PDZK1: variants seen among roughly 807,000 people sequenced by gnomAD.
The protein encoded by PDZK1 is PDZ domain containing 1.
A neutral mutation model predicts 38.1 loss-of-function variants in PDZK1; 23 were observed. That is an observed-to-expected ratio of 0.60 (90% confidence interval 0.43 to 0.85). The LOEUF is 0.85. Ranked by LOEUF, PDZK1 falls within the 40% of genes least tolerant of loss-of-function variation. PDZK1 has a pLI of 0.00. For missense variants in PDZK1, 297 were observed against 504.3 expected, an observed-to-expected ratio of 0.59 and a Z score of 3.94; for synonymous variants, 98 against 186.2, an observed-to-expected ratio of 0.53 and a Z score of 3.86.
chr1:145,690,878 T>A (rs1655189458), intron 1 of PDZK1, among the ~76,000 whole-genome samples: 1 of 152,218 alleles, frequency 6.6e-6, no homozygotes, highest in Non-Finnish European at 1.5e-5. Flanking sequence ...TCAAGTTGAC[T>A]TTTTTGTTTG....
At chr1:145,687,090 G>A (rs1654841932) in intron 2 of PDZK1, among the ~76,000 whole-genome samples, 1 of 152,114 alleles carries the variant, frequency 6.6e-6, no homozygotes, top group Admixed American at 6.5e-5. Flanking sequence ...GGCAGAATAA[G>A]GTAAGGCCAG....
At chr1:145,684,799 AC>A (rs1553701300) in intron 3 of PDZK1, among the ~76,000 whole-genome samples, 2 of 141,180 alleles carry the variant, frequency 1.4e-5, no homozygotes, top group African/African-American at 5.3e-5. Flanking sequence ...CTTCATCCCC[AC>A]CCTACCCCAC....
chr1:145,675,255 A>C (rs1196999779), intron 6 of PDZK1, among the ~76,000 whole-genome samples: 4 of 147,144 alleles, frequency 2.7e-5, no homozygotes, highest in Non-Finnish European at 5.9e-5. Flanking sequence ...TAGTTGAGAC[A>C]ATTAGAAGGG....
At chr1:145,674,405 A>G (rs1653428983) in intron 6 of PDZK1, 1 of 460,522 alleles carries the variant, frequency 2.2e-6, no homozygotes, top group African/African-American at 2.1e-5. Context: ...GGATTAAGGA[A>G]TACCTAGAAG....
chr1:145,702,983 A>G (rs1325319703), intron 1 of PDZK1, among the ~76,000 whole-genome samples: 1 of 152,020 alleles, frequency 6.6e-6, no homozygotes, highest in Non-Finnish European at 1.5e-5. Flanking sequence ...AGCAAGCCCC[A>G]ATTGGTCTAT....
intron 6 of PDZK1, among the ~76,000 whole-genome samples, chr1:145,675,330 T>C (rs1184674374): frequency 4.9e-5 from 7 of 143,192 alleles, no homozygotes; most frequent in African/African-American, 1.9e-4. Context: ...GTCCGGAACA[T>C]TTGTTAGGTG....
chr1:145,674,581 G>C (rs1311381733), intron 6 of PDZK1, among the ~76,000 whole-genome samples: 1 of 152,010 alleles, frequency 6.6e-6, no homozygotes, highest in Admixed American at 6.6e-5. Context: ...CTGGTTCTCC[G>C]GCCTTTGGAC....
chr1:145,703,054 C>T (rs950249559), intron 1 of PDZK1, among the ~76,000 whole-genome samples: 1 of 152,158 alleles, frequency 6.6e-6, no homozygotes, highest in Admixed American at 6.5e-5. Flanking sequence ...ACTCATAGTA[C>T]GTGCTAAGTA....
At chr1:145,678,852 AC>A (rs1653969794) in intron 5 of PDZK1, among the ~76,000 whole-genome samples, 1 of 146,980 alleles carries the variant, frequency 6.8e-6, no homozygotes, top group African/African-American at 2.5e-5. Flanking sequence ...CCAGAAACTA[AC>A]CCAGCAATTA....
chr1:145,674,813 A>G (rs1653481426), intron 6 of PDZK1, among the ~76,000 whole-genome samples: 1 of 152,096 alleles, frequency 6.6e-6, no homozygotes, highest in Non-Finnish European at 1.5e-5. Context: ...ATCTCCTCTC[A>G]TACCTGTATC....
chr1:145,699,402 G>GC (rs1655828734), intron 1 of PDZK1, among the ~76,000 whole-genome samples: 1 of 152,132 alleles, frequency 6.6e-6, no homozygotes, highest in South Asian at 2.1e-4. Flanking sequence ...CAGTGACACA[G>GC]CAAGACTCCA....
In PDZK1 at chr1:145,700,305, G is replaced by A. The variant is rs587758367; in HGVS notation, c.-3+7012C>T. ...CTAAAAGCCAGGGAATTACAAAATA[G>A]AACCAAATGCTGTGTATCAAGGAGG... is the stretch of plus-strand genomic sequence containing the variant. On this transcript the variant is annotated intron_variant, in intron 1 of 8. Transcript: ENST00000417171. Among the ~76,000 whole-genome samples, 7 of 152,302 alleles carry A rather than the reference G, an allele frequency of 4.6e-5. 1 individual carries two copies. In the South Asian group the frequency reaches 1.5e-3, roughly 32 times the overall value.
chr1:145,691,748 T>C (rs1202442320), intron 1 of PDZK1: 1 of 151,816 alleles, frequency 6.6e-6, no homozygotes, highest in African/African-American at 2.4e-5. Context: ...GCAGAGAGGT[T>C]GCTGTGAGCC....
At chr1:145,704,730 T>A (rs189761818) in intron 1 of PDZK1, among the ~76,000 whole-genome samples, 1 of 152,306 alleles carries the variant, frequency 6.6e-6, no homozygotes. Flanking sequence ...GCTGAGATCT[T>A]GAGGAAAACA....
At chr1:145,696,616 A>C (rs1571633627) in intron 1 of PDZK1, among the ~76,000 whole-genome samples, 1 of 152,306 alleles carries the variant, frequency 6.6e-6, no homozygotes, top group South Asian at 2.1e-4. Flanking sequence ...ACCTGTTGAC[A>C]CCTTGGACTT....
At chr1:145,685,038 G>A (rs587601809) in intron 3 of PDZK1, among the ~76,000 whole-genome samples, 9 of 152,122 alleles carry the variant, frequency 5.9e-5, no homozygotes, top group South Asian at 2.1e-4. Flanking sequence ...CACATGCCAC[G>A]TGGAGATGCT....
At chr1:145,693,578 T>C (rs1380772403) in intron 1 of PDZK1, among the ~76,000 whole-genome samples, 5 of 151,734 alleles carry the variant, frequency 3.3e-5, no homozygotes, top group African/African-American at 1.2e-4. Flanking sequence ...ATCGATACCA[T>C]CCTGGCTAAC....
rs587743626 is a variant in PDZK1, at chr1:145,702,516, A to G, written c.-3+4801T>C. Reference sequence around the variant, plus strand: ...TTTTTTTTGGTATGTTTAAACTACTACAAGAGTCTTGCCTCGAGACAAACT... The same window carrying G: ...TTTTTTTTGGTATGTTTAAACTACTGCAAGAGTCTTGCCTCGAGACAAACT... On this transcript the variant is annotated intron_variant, in intron 1 of 8. Coordinates refer to ENST00000417171, the MANE Select transcript of PDZK1 (RefSeq NM_001201325.2). Among the ~76,000 whole-genome samples the G allele has an allele frequency of 2.6e-4, 40 of 152,212 alleles. 1 individual carries two copies. In the South Asian group the frequency reaches 4.2e-3, roughly 16 times the overall value.
chr1:145,686,996 G>A (rs1654830727), intron 2 of PDZK1, among the ~76,000 whole-genome samples: 1 of 152,108 alleles, frequency 6.6e-6, no homozygotes, highest in Admixed American at 6.5e-5. Flanking sequence ...TTTCTAGAGA[G>A]GAGCGCTGCC....
Sources: allele counts gnomAD v4.1 joint callset (sites outside exome capture counted in the v4.1 genomes callset), GRCh38; gene constraint gnomAD v4.1.1; transcripts MANE v1.5; gene names NCBI Gene and HGNC (gene_info 2026-07-23, HGNC 2026-07-21).